SBF2: variants seen among roughly 807,000 people sequenced by gnomAD.
The protein encoded by SBF2 is SET binding factor 2, also known as myotubularin-related protein 13.
SBF2 carries 112 observed loss-of-function variants against 225.2 expected under a neutral mutation model. The observed-to-expected ratio is 0.50, with a 90% CI of 0.43 to 0.58. The LOEUF (loss-of-function observed/expected upper bound fraction) is 0.58, where lower values mean the gene tolerates loss of function less well. SBF2 is among the 20% of genes least tolerant of loss of function. The probability of loss-of-function intolerance (pLI) is 0.00; values close to 1 mark genes in which losing one functional copy is unlikely to be tolerated. For missense variants in SBF2, 1,996 were observed against 2,206.2 expected (o/e 0.90, Z 1.91); for synonymous variants, 763 against 773.3 (o/e 0.99, Z 0.22).
intron 16 of SBF2, among the ~76,000 whole-genome samples, chr11:9,910,179 C>T (rs1017524135): frequency 6.6e-6 from 1 of 151,756 alleles, no homozygotes; most frequent in Non-Finnish European, 1.5e-5. Context: ...CAATGATGGA[C>T]TGCATATATG....
intron 1 of SBF2, among the ~76,000 whole-genome samples, chr11:10,235,462 G>A (rs1959029753): frequency 6.6e-6 from 1 of 151,634 alleles, no homozygotes; most frequent in African/African-American, 2.4e-5. Context: ...GGGAGGGAGA[G>A]GTTGCGGTGA....
intron 1 of SBF2, among the ~76,000 whole-genome samples, chr11:10,275,650 C>T (rs1262480334): frequency 1.3e-5 from 2 of 150,886 alleles, no homozygotes; most frequent in Admixed American, 1.3e-4. Context: ...TATCCCAATC[C>T]TCCTCATTTC....
intron 17 of SBF2, among the ~76,000 whole-genome samples, chr11:9,895,659 T>G (rs1861192812): frequency 6.6e-6 from 1 of 152,082 alleles, no homozygotes; most frequent in Non-Finnish European, 1.5e-5. Flanking sequence ...AAAAAACATG[T>G]AAACAAACCA....
intron 6 of SBF2, among the ~76,000 whole-genome samples, chr11:10,019,897 C>T (rs1173275466): frequency 6.6e-6 from 1 of 152,112 alleles, no homozygotes; most frequent in African/African-American, 2.4e-5. Context: ...ACATCCTAAG[C>T]TTTCATTTTT....
At chr11:10,098,685 A>G (rs879447204) in intron 2 of SBF2, among the ~76,000 whole-genome samples, 3,344 of 104,662 alleles carry the variant, frequency 0.032, 72 homozygotes, top group African/African-American at 0.064. Context: ...AAATGCACAC[A>G]CACACACACA....
chr11:9,845,801 C>G, intron 23 of SBF2, 61 bp from the exon 24 acceptor site: 7 of 1,493,776 alleles, frequency 4.7e-6, no homozygotes, highest in Non-Finnish European at 5.6e-6. Flanking sequence ...AACTTTCCCC[C>G]AAACAACAGA....
intron 14 of SBF2, among the ~76,000 whole-genome samples, chr11:9,966,452 C>T (rs1486562445): frequency 6.6e-6 from 1 of 152,146 alleles, no homozygotes; most frequent in Non-Finnish European, 1.5e-5. Flanking sequence ...TTTGGAGAAT[C>T]CAACCTAATT....
Position 9,912,475 on chromosome 11 carries a change from C to T in SBF2, c.1861-16464G>A, listed in dbSNP as rs140260394. On this transcript the variant is annotated intron_variant, in intron 16 of 39. Coordinates refer to ENST00000256190, the MANE Select transcript of SBF2 (RefSeq NM_030962.4). Reference sequence around the variant, plus strand: ...TGGCAGGTGCCTGTAGTCTCAGCTACTTGGGAGGCTGAGGCAGAATAGCTT... The same window carrying T: ...TGGCAGGTGCCTGTAGTCTCAGCTATTTGGGAGGCTGAGGCAGAATAGCTT... Among the ~76,000 whole-genome samples, 143 of 151,850 alleles carry T rather than the reference C, an allele frequency of 9.4e-4. 2 individuals are homozygous for T. The East Asian group carries it at 0.023, about 25-fold the overall frequency.
chr11:10,288,725 G>T (rs1963958938), intron 1 of SBF2, among the ~76,000 whole-genome samples: 1 of 152,138 alleles, frequency 6.6e-6, no homozygotes, highest in Non-Finnish European at 1.5e-5. Context: ...GCATCTATCA[G>T]CAGAGAGGGT....
At chr11:10,279,893 C>T (rs1391716253) in intron 1 of SBF2, among the ~76,000 whole-genome samples, 1 of 151,986 alleles carries the variant, frequency 6.6e-6, no homozygotes, top group Non-Finnish European at 1.5e-5. Context: ...TCATGATCCG[C>T]CCACCTCGGC....
intron 16 of SBF2, among the ~76,000 whole-genome samples, chr11:9,921,928 G>A (rs138793819): frequency 2.4e-4 from 36 of 152,266 alleles, no homozygotes; most frequent in Non-Finnish European, 4.4e-4. Context: ...TATAGAAGAG[G>A]GAGTGATTCC....
intron 1 of SBF2, among the ~76,000 whole-genome samples, chr11:10,227,680 T>C (rs890596199): frequency 5.3e-5 from 8 of 152,208 alleles, no homozygotes; most frequent in Admixed American, 2.6e-4. Context: ...CATTGGTCTA[T>C]ATATCTGTTT....
chr11:10,035,671 C>G (rs1469136825), intron 3 of SBF2, among the ~76,000 whole-genome samples: 1 of 152,190 alleles, frequency 6.6e-6, no homozygotes, highest in Non-Finnish European at 1.5e-5. Flanking sequence ...AAATGCTCAT[C>G]ATCACTGGTC....
chr11:10,264,652 T>G (rs2044144), intron 1 of SBF2, among the ~76,000 whole-genome samples: 74,753 of 151,862 alleles, frequency 0.49, 18,768 homozygotes, highest in Non-Finnish European at 0.54. Flanking sequence ...TGTTACATAG[T>G]TATATACATG....
intron 16 of SBF2, among the ~76,000 whole-genome samples, chr11:9,936,466 G>C (rs1314443651): frequency 6.6e-6 from 1 of 152,120 alleles, no homozygotes; most frequent in Non-Finnish European, 1.5e-5. Flanking sequence ...TATACCCAAA[G>C]GATTATAAAT....
intron 1 of SBF2, among the ~76,000 whole-genome samples, chr11:10,274,038 C>CT (rs1962757805): frequency 6.6e-6 from 1 of 152,190 alleles, no homozygotes; most frequent in African/African-American, 2.4e-5. Context: ...GTTTCATTAT[C>CT]TTTTTATTTT....
chr11:9,912,766 T>C (rs574603834), intron 16 of SBF2, among the ~76,000 whole-genome samples: 1 of 152,152 alleles, frequency 6.6e-6, no homozygotes, highest in Admixed American at 6.5e-5. Context: ...AACAACAAAA[T>C]TGTCAAGCTA....
At chr11:9,808,214 T>C in intron 31 of SBF2, 29 bp from the exon 32 acceptor site, 1 of 1,598,248 alleles carries the variant, frequency 6.3e-7, no homozygotes, top group African/African-American at 1.3e-5. Flanking sequence ...GGATTGTCAT[T>C]AATTTTAGTT....
At chr11:9,980,664 G>A (rs552381805) in intron 13 of SBF2, among the ~76,000 whole-genome samples, 113 of 151,628 alleles carry the variant, frequency 7.5e-4, no homozygotes, top group African/African-American at 2.6e-3. Flanking sequence ...TCGGCTTACT[G>A]CAAGCTCCGG....
Sources: allele counts gnomAD v4.1 joint callset (sites outside exome capture counted in the v4.1 genomes callset), GRCh38; gene constraint gnomAD v4.1.1; transcripts MANE v1.5; gene names NCBI Gene and HGNC (gene_info 2026-07-23, HGNC 2026-07-21).